KLHL31: variants seen among roughly 807,000 people sequenced by gnomAD.
The protein encoded by KLHL31 is kelch-like protein 31.
Under a neutral mutation model 47.1 loss-of-function variants are expected in KLHL31, and 32 were observed. That is an observed-to-expected ratio of 0.68 (90% CI 0.51 to 0.91). The LOEUF is 0.91. Among genes scored for constraint, KLHL31 ranks in the 40% least tolerant of loss-of-function variants. The pLI, the probability that KLHL31 is intolerant of heterozygous loss-of-function variation, is 0.00. For missense variants in KLHL31, 797 were observed against 819.3 expected, an observed-to-expected ratio of 0.97 and a Z score of 0.33; for synonymous variants, 330 against 325.1, an observed-to-expected ratio of 1.01 and a Z score of -0.16.
chr6:53,655,402 A>C (rs1764546099), intron 1 of KLHL31, 97 bp from the exon 2 acceptor site: 2 of 559,096 alleles, frequency 3.6e-6, no homozygotes, highest in South Asian at 6.3e-5. Context: ...AATAGTTTTC[A>C]TGGCATAAAA....
rs1487597765 is a variant in KLHL31 at position 53,648,020 on chromosome 6, C to G, written c.*3578G>C. On this transcript the variant is annotated 3_prime_UTR_variant, in exon 3 of 3. Coordinates refer to ENST00000370905, the MANE Select transcript of KLHL31 (RefSeq NM_001003760.5). ...TTATATAGTACCAGAATGTTTTAAG[C>G]AAAGAAAGAAATTTTTTTGCCAAAA... is the stretch of plus-strand genomic sequence containing the variant. 6.6e-6 allele frequency: 1 copy of G among 152,450 alleles called. No individual in the cohort carries two copies. The highest frequency in any genetic ancestry group is 2.4e-5 in the African/African-American group (1 of 41,390). 9.4% of individuals were successfully genotyped at this position (152,450 alleles called of 1,614,324 possible).
intron 1 of KLHL31, among the ~76,000 whole-genome samples, chr6:53,664,828 G>GCTGCAT (rs775637479): frequency 1.6e-4 from 24 of 152,116 alleles, no homozygotes; most frequent in Non-Finnish European, 3.2e-4. Context: ...CATTCCTATC[G>GCTGCAT]CTGCATCTGT....
intron 1 of KLHL31, among the ~76,000 whole-genome samples, chr6:53,662,224 C>G (rs950043863): frequency 9.9e-5 from 15 of 152,278 alleles, no homozygotes; most frequent in Middle Eastern, 6.8e-3. Flanking sequence ...TCCTAAATGA[C>G]AGCAGGCTTG....
rs770389295 is a variant in KLHL31, at chr6:53,652,022, T to C, written c.1481A>G (p.Gln494Arg). Residue 494 changes from glutamine (Q) to arginine (R), a missense_variant, in exon 3 of 3, where the codon CAG becomes CGG. Coordinates refer to ENST00000370905, the MANE Select transcript of KLHL31 (RefSeq NM_001003760.5). ...CAYDPASDSWQELPNLSTPRG... is the reference protein window; with the variant it reads ...CAYDPASDSWRELPNLSTPRG... ...GGGTGTGCTGAGGTTCGGCAGCTCC[T>C]GCCACGAGTCGCTGGCCGGGTCGTA... 31 of 1,591,814 alleles carry C rather than the reference T, an allele frequency of 1.9e-5. No individual in the cohort carries two copies. The highest frequency in any genetic ancestry group is 2.1e-5 in the Non-Finnish European group (25 of 1,175,112).
chr6:53,660,291 T>C (rs1050263448), intron 1 of KLHL31, among the ~76,000 whole-genome samples: 5 of 152,218 alleles, frequency 3.3e-5, no homozygotes, highest in Non-Finnish European at 4.4e-5. Flanking sequence ...TGTAATGTTC[T>C]ATAAATATCA....
At chr6:53,663,638 C>G (rs755431918) in intron 1 of KLHL31, among the ~76,000 whole-genome samples, 22 of 152,200 alleles carry the variant, frequency 1.4e-4, no homozygotes, top group Admixed American at 3.3e-4. Flanking sequence ...TATACAGACT[C>G]TATGCACTAA....
chr6:53,658,575 G>T (rs547415149), intron 1 of KLHL31, among the ~76,000 whole-genome samples: 50 of 152,234 alleles, frequency 3.3e-4, no homozygotes, highest in African/African-American at 1.1e-3. Flanking sequence ...AGACCGAGGA[G>T]AGGGTGGAAG....
At position 53,654,452 on chromosome 6, in the gene KLHL31, G is replaced by A. The variant is rs1764524259; in HGVS notation, c.821C>T (p.Ser274Phe). The change falls in exon 2 of 3, where the codon TCC becomes TTC. Residue 274 changes from serine (S) to phenylalanine (F), a missense_variant. Ser to Phe is a radical substitution (Grantham distance 155, BLOSUM62 -2). Coordinates refer to ENST00000370905, the MANE Select transcript of KLHL31 (RefSeq NM_001003760.5). ...AGCATCTTGCATCATTCTTGGTACGGATTGAACATAATTGACCAGGTCTTG... is the reference window on the plus strand; with the variant it reads ...AGCATCTTGCATCATTCTTGGTACGAATTGAACATAATTGACCAGGTCTTG... ...SAQDLVNYVQSVPRMMQDADC... is the reference protein window; with the variant it reads ...SAQDLVNYVQFVPRMMQDADC... The A allele has an allele frequency of 6.2e-7, 1 of 1,614,166 alleles. No individual in the cohort carries two copies.
At chr6:53,655,369 A>T (rs1764545754) in intron 1 of KLHL31, 64 bp from the exon 2 acceptor site, 11 of 725,466 alleles carry the variant, frequency 1.5e-5, no homozygotes, top group Non-Finnish European at 2.3e-5. Context: ...GAAATACTAC[A>T]TTGAGAAACT....
At chr6:53,655,405 G>A (rs1179822605) in intron 1 of KLHL31, 100 bp from the exon 2 acceptor site, 2 of 548,768 alleles carry the variant, frequency 3.6e-6, no homozygotes, top group Non-Finnish European at 6.2e-6. Flanking sequence ...AGTTTTCATG[G>A]CATAAAATAG....
At chr6:53,663,207 T>C (rs1413767757) in intron 1 of KLHL31, among the ~76,000 whole-genome samples, 1 of 152,144 alleles carries the variant, frequency 6.6e-6, no homozygotes, top group East Asian at 1.9e-4. Context: ...GTAAAAACTG[T>C]AGTAGGTTAA....
rs995023693 is a variant in KLHL31 at position 53,652,260 on chromosome 6, T to G, written c.1243A>C (p.Ser415Arg). 3.1e-6 allele frequency: 5 copies of G among 1,614,054 alleles called. No homozygotes were observed. The African/African-American group carries it at 6.7e-5, about 22-fold the overall frequency. ...MNQKRTHFSL[S>R]VFNGLVYAAG... Reference sequence around the variant, plus strand: ...GCGTACACGAGCCCGTTGAACACGCTCAGGCTGAAGTGCGTGCGCTTCTGG... The same window carrying G: ...GCGTACACGAGCCCGTTGAACACGCGCAGGCTGAAGTGCGTGCGCTTCTGG... Residue 415 changes from serine to arginine, a missense_variant, in exon 3 of 3, where the codon AGC (serine) becomes CGC (arginine). By Grantham distance (110) the Ser-to-Arg change is moderately radical. Transcript: ENST00000370905.
At chr6:53,664,493 C>A (rs1356546737) in intron 1 of KLHL31, among the ~76,000 whole-genome samples, 1 of 152,146 alleles carries the variant, frequency 6.6e-6, no homozygotes, top group Non-Finnish European at 1.5e-5. Context: ...AATAATGCTG[C>A]CAAGCAATGG....
rs1439276014 is a variant in KLHL31 at position 53,655,022 on chromosome 6, A to G, written c.251T>C (p.Phe84Ser). The change falls in exon 2 of 3, where the codon TTT becomes TCT. Residue 84 changes from phenylalanine to serine, a missense_variant. Transcript: ENST00000370905. The stretch of plus-strand genomic sequence containing the variant: ...AGCCATGACTGACTTATGAACATCA[A>G]AGGATTTGGTTTTGGTACCAATGAC... ...DLVIGTKTKS[F>S]DVHKSVMASC... 1 of 1,614,176 alleles carries G rather than the reference A, an allele frequency of 6.2e-7. No homozygotes were observed. The highest frequency in any genetic ancestry group is 1.7e-5 in the Admixed American group (1 of 60,024).
chr6:53,649,243 C>T lies in KLHL31; in HGVS notation c.*2355G>A, dbSNP rs957280960. ...CCAGGATATGAAACTTTCACCGACC[C>T]TTACATTCCATACTCCTCGCCAATG... On this transcript the variant is annotated 3_prime_UTR_variant, in exon 3 of 3. Coordinates refer to ENST00000370905, the MANE Select transcript of KLHL31 (RefSeq NM_001003760.5). 1 of 152,124 alleles carries T rather than the reference C, an allele frequency of 6.6e-6. No individual in the cohort carries two copies. The highest frequency in any genetic ancestry group is 6.5e-5 in the Admixed American group (1 of 15,270). 9.4% of individuals were successfully genotyped at this position (152,124 alleles called of 1,614,324 possible).
Position 53,650,390 on chromosome 6 carries a change from A to T in KLHL31, c.*1208T>A, listed in dbSNP as rs1016177638. 3 of 152,242 alleles carry T rather than the reference A, an allele frequency of 2.0e-5. No homozygotes were observed. The highest frequency in any genetic ancestry group is 7.2e-5 in the African/African-American group (3 of 41,464). 9.4% of individuals were successfully genotyped at this position (152,242 alleles called of 1,614,324 possible). On this transcript the variant is annotated 3_prime_UTR_variant, in exon 3 of 3. Transcript: ENST00000370905. Reference sequence around the variant, plus strand: ...CCAAAGCTCATTTGGAGCAGATGAGATTAATAAAAATAGGACAGAATGAGT... The same window carrying T: ...CCAAAGCTCATTTGGAGCAGATGAGTTTAATAAAAATAGGACAGAATGAGT...
At chr6:53,662,149 G>A (rs966719947) in intron 1 of KLHL31, among the ~76,000 whole-genome samples, 4 of 152,136 alleles carry the variant, frequency 2.6e-5, no homozygotes, top group African/African-American at 9.7e-5. Flanking sequence ...GGTCTGCATG[G>A]CCAGGCATGC....
intron 1 of KLHL31, among the ~76,000 whole-genome samples, chr6:53,663,669 C>T (rs17216194): frequency 0.053 from 8,088 of 152,300 alleles, 288 homozygotes; most frequent in East Asian, 0.091. Flanking sequence ...ATTCTATTCT[C>T]TAAGGCTGTA....
rs200343144 is a variant in KLHL31, at chr6:53,654,545, A to C, written c.728T>G (p.Phe243Cys). ...AFQIAMKWLE[F>C]DQKRVKYAAD... ...AGCGTATTTTACTCTCTTTTGGTCA[A>C]ATTCTAACCATTTCATTGCAATCTG... Residue 243 changes from phenylalanine to cysteine, a missense_variant, in exon 2 of 3, where the codon TTT becomes TGT. Coordinates refer to ENST00000370905, the MANE Select transcript of KLHL31 (RefSeq NM_001003760.5). The C allele has an allele frequency of 2.4e-4, 389 of 1,614,080 alleles. No individual in the cohort carries two copies. Among genetic ancestry groups the C allele is most frequent in the Non-Finnish European group, 3.1e-4 (371 of 1,180,048 alleles).
Sources: allele counts gnomAD v4.1 joint callset (sites outside exome capture counted in the v4.1 genomes callset), GRCh38; gene constraint gnomAD v4.1.1; transcripts MANE v1.5; gene names NCBI Gene and HGNC (gene_info 2026-07-23, HGNC 2026-07-21).